The following KDM4C variants were observed in gnomAD, a reference collection of about 807,000 sequenced individuals.
KDM4C encodes the protein lysine demethylase 4C.
In KDM4C, 81 loss-of-function variants were observed where a neutral mutation model predicts 129.3. The ratio of observed to expected loss-of-function variants is 0.63; its 90% CI spans 0.52 to 0.75. KDM4C has a LOEUF of 0.75. KDM4C is among the 30% of genes least tolerant of loss of function. The pLI is 0.00. For synonymous variants in KDM4C, 573 were observed against 456.1 expected, an observed-to-expected ratio of 1.26 and a Z score of -3.26; for missense variants, 1,457 against 1,304.0, an observed-to-expected ratio of 1.12 and a Z score of -1.81.
At chr9:7,159,012 A>C (rs1843493516) in intron 19 of KDM4C, among the ~76,000 whole-genome samples, 1 of 152,086 alleles carries the variant, frequency 6.6e-6, no homozygotes, top group Non-Finnish European at 1.5e-5. Context: ...TGCTTTATGA[A>C]TCTGGGTGCT....
intron 18 of KDM4C, among the ~76,000 whole-genome samples, chr9:7,116,737 A>G (rs1016766851): frequency 6.6e-6 from 1 of 152,176 alleles, no homozygotes; most frequent in Admixed American, 6.5e-5. Flanking sequence ...CTTTTGGCTG[A>G]CTTCCCTTTC....
intron 8 of KDM4C, among the ~76,000 whole-genome samples, chr9:6,944,353 C>T (rs531887238): frequency 1.3e-5 from 2 of 152,296 alleles, no homozygotes; most frequent in African/African-American, 4.8e-5. Flanking sequence ...TTTTCATTTG[C>T]AGGATTTCAT....
intron 18 of KDM4C, among the ~76,000 whole-genome samples, chr9:7,110,836 C>G (rs1260772886): frequency 6.6e-6 from 1 of 152,182 alleles, no homozygotes; most frequent in African/African-American, 2.4e-5. Context: ...CTAAGACTTG[C>G]AGTATTGGAG....
intron 17 of KDM4C, among the ~76,000 whole-genome samples, chr9:7,087,656 A>G (rs1388977720): frequency 6.6e-6 from 1 of 152,228 alleles, no homozygotes; most frequent in Admixed American, 6.5e-5. Flanking sequence ...TTCTGGAGGG[A>G]AAGTGGAATA....
intron 2 of KDM4C, 38 bp downstream of exon 2, chr9:6,793,170 C>G (rs1226781981): frequency 1.3e-6 from 2 of 1,591,156 alleles, no homozygotes; most frequent in African/African-American, 2.7e-5. Flanking sequence ...AAAACAATCA[C>G]TTGGCCTTTA....
At chr9:7,131,445 T>C (rs1203685008) in intron 19 of KDM4C, among the ~76,000 whole-genome samples, 3 of 152,082 alleles carry the variant, frequency 2.0e-5, no homozygotes, top group Non-Finnish European at 2.9e-5. Context: ...TAGAAAGAGA[T>C]GATAAGGAAT....
chr9:7,066,835 C>A (rs1012160313), intron 17 of KDM4C, among the ~76,000 whole-genome samples: 1 of 152,144 alleles, frequency 6.6e-6, no homozygotes, highest in African/African-American at 2.4e-5. Context: ...TAAAGTTTCT[C>A]TAGGAAGAAG....
Position 7,088,315 on chromosome 9 carries a change from G to A in KDM4C, c.2425-15370G>A, listed in dbSNP as rs575664551. Among the ~76,000 whole-genome samples, 5 of 152,322 alleles carry A rather than the reference G, an allele frequency of 3.3e-5. 1 individual carries two copies. Among genetic ancestry groups the A allele is most frequent in the African/African-American group, 1.2e-4 (5 of 41,576 alleles). ...GTTTTGTTCATTCACATTTAAGGGA[G>A]CATCACATTCTCTCTTTAATCCAGC... On this transcript the variant is annotated intron_variant, in intron 17 of 21. Coordinates refer to ENST00000381309, the MANE Select transcript of KDM4C (RefSeq NM_015061.6).
At chr9:6,771,955 C>T (rs1588155986) in intron 1 of KDM4C, among the ~76,000 whole-genome samples, 1 of 152,246 alleles carries the variant, frequency 6.6e-6, no homozygotes, top group South Asian at 2.1e-4. Context: ...CCATTCCAGC[C>T]CCCCTGAGGG....
At chr9:6,922,881 T>C (rs900151998) in intron 8 of KDM4C, among the ~76,000 whole-genome samples, 1 of 152,258 alleles carries the variant, frequency 6.6e-6, no homozygotes, top group African/African-American at 2.4e-5. Context: ...TCTCCCTCTC[T>C]GACTCAAGCC....
chr9:6,907,459 C>T (rs1031445396), intron 8 of KDM4C, among the ~76,000 whole-genome samples: 1 of 152,094 alleles, frequency 6.6e-6, no homozygotes. Flanking sequence ...AGTATCTGTA[C>T]ATGTAGAGCT....
At chr9:6,902,680 A>G (rs1036943585) in intron 8 of KDM4C, 5 of 152,116 alleles carry the variant, frequency 3.3e-5, no homozygotes, top group African/African-American at 1.2e-4. Flanking sequence ...CTGAATATTA[A>G]TTTGGGGGAA....
At chr9:6,999,237 A>G (rs981808619) in intron 12 of KDM4C, among the ~76,000 whole-genome samples, 1 of 152,144 alleles carries the variant, frequency 6.6e-6, no homozygotes, top group African/African-American at 2.4e-5. Context: ...ATTGATGTAG[A>G]TTTGCCAGTC....
At chr9:6,886,021 T>G (rs1182550921) in intron 6 of KDM4C, among the ~76,000 whole-genome samples, 1 of 152,236 alleles carries the variant, frequency 6.6e-6, no homozygotes, top group Admixed American at 6.5e-5. Context: ...TTCATCAGTG[T>G]TGCAGAAAGT....
intron 4 of KDM4C, among the ~76,000 whole-genome samples, chr9:6,848,713 C>A (rs1023233718): frequency 1.3e-5 from 2 of 152,034 alleles, no homozygotes; most frequent in African/African-American, 4.8e-5. Flanking sequence ...AAACCAGAAT[C>A]TTTTCCTATC....
chr9:6,925,363 A>G, intron 8 of KDM4C: 9 of 985,376 alleles, frequency 9.1e-6, no homozygotes, highest in Non-Finnish European at 1.1e-5. Context: ...GGCGAAGAGA[A>G]GCTCAGTTCT....
At chr9:6,729,313 G>C (rs1383791093) in intron 1 of KDM4C, among the ~76,000 whole-genome samples, 1 of 132,018 alleles carries the variant, frequency 7.6e-6, no homozygotes, top group Non-Finnish European at 1.5e-5. Context: ...GGCTGAGGCA[G>C]GTGGAATGCT....
At chr9:7,077,101 T>G in intron 17 of KDM4C, 1 of 985,484 alleles carries the variant, frequency 1.0e-6, no homozygotes, top group Non-Finnish European at 1.2e-6. Context: ...TCTATCTGGG[T>G]GATATATGCT....
intron 1 of KDM4C, among the ~76,000 whole-genome samples, chr9:6,725,706 CTTTTCTT>C (rs1563910632): frequency 1.0e-5 from 1 of 99,406 alleles, no homozygotes. Context: ...CTTTTCTTTT[CTTTTCTT>C]TTTTTTTTTT....
Sources: allele counts gnomAD v4.1 joint callset (sites outside exome capture counted in the v4.1 genomes callset), GRCh38; gene constraint gnomAD v4.1.1; transcripts MANE v1.5; gene names NCBI Gene and HGNC (gene_info 2026-07-23, HGNC 2026-07-21).